The following SPATA19 variants were observed in gnomAD, a reference collection of about 807,000 sequenced individuals.
SPATA19 encodes spermatogenesis-associated protein 19, mitochondrial.
A neutral mutation model predicts 25.0 loss-of-function variants in SPATA19; 19 were observed. The ratio of observed to expected loss-of-function variants is 0.76; its 90% CI spans 0.53 to 1.11. SPATA19 has a LOEUF of 1.11. Ranked by LOEUF, SPATA19 falls within the 50% of genes most tolerant of loss-of-function variation. The pLI is 0.00. For synonymous variants in SPATA19, 64 were observed against 69.3 expected, an observed-to-expected ratio of 0.92 and a Z score of 0.38; for missense variants, 222 against 211.4, an observed-to-expected ratio of 1.05 and a Z score of -0.31.
chr11:133,842,442 C>A lies in SPATA19; in HGVS notation c.437+43G>T, dbSNP rs774758078. ...CCAGCAGTCACCCCCACCCTACCTG[C>A]CCCCAGTCAGGAACACAAATCAAGC... is the stretch of plus-strand genomic sequence containing the variant. On this transcript the variant is annotated intron_variant, in intron 5 of 6. Coordinates refer to ENST00000299140, the MANE Select transcript of SPATA19 (RefSeq NM_174927.3). 3 of 1,515,224 alleles carry A rather than the reference C, an allele frequency of 2.0e-6. No individual in the cohort carries two copies. The African/African-American group carries it at 4.1e-5, about 21-fold the overall frequency. The allele number at this position is 1,515,224 out of a possible 1,614,324, so 93.9% of individuals were successfully genotyped here. A position where few individuals can be genotyped will look rare whatever the true frequency, so the allele number is the denominator to read the frequency against.
At chr11:133,842,971 G>A (rs1335504212) in intron 4 of SPATA19, among the ~76,000 whole-genome samples, 1 of 152,162 alleles carries the variant, frequency 6.6e-6, no homozygotes, top group Non-Finnish European at 1.5e-5. Context: ...AGCCTACAGC[G>A]AGGAAGCTGT....
At chr11:133,841,694 C>A (rs1471336045) in intron 6 of SPATA19, among the ~76,000 whole-genome samples, 2 of 152,194 alleles carry the variant, frequency 1.3e-5, no homozygotes, top group Non-Finnish European at 2.9e-5. Flanking sequence ...AGTGACAATG[C>A]CCAGAAACTT....
Position 133,843,858 on chromosome 11 carries a change from G to A in SPATA19, c.359+388C>T, listed in dbSNP as rs150334943. Among the ~76,000 whole-genome samples the A allele has an allele frequency of 5.9e-3, 893 of 152,322 alleles. 4 individuals carry two copies. Among genetic ancestry groups the A allele is most frequent in the Non-Finnish European group, 9.2e-3 (625 of 68,024 alleles). Reference sequence around the variant, plus strand: ...TAACCGAGTGCAGAATTCTAGCCTCGGGCGCTGGGAAGCCTCCCCACACCT... The same window carrying A: ...TAACCGAGTGCAGAATTCTAGCCTCAGGCGCTGGGAAGCCTCCCCACACCT... On this transcript the variant is annotated intron_variant, in intron 4 of 6. Coordinates refer to ENST00000299140, the MANE Select transcript of SPATA19 (RefSeq NM_174927.3).
chr11:133,844,419 AC>A, intron 3 of SPATA19, 82 bp from the exon 4 acceptor site: 1 of 1,611,370 alleles, frequency 6.2e-7, no homozygotes, highest in East Asian at 2.2e-5. Context: ...CGAGCACCTC[AC>A]CCTTGCCCAG....
intron 4 of SPATA19, 59 bp from the exon 5 acceptor site, chr11:133,842,621 T>C (rs1316921888): frequency 1.5e-5 from 19 of 1,303,608 alleles, no homozygotes; most frequent in Non-Finnish European, 2.1e-5. Context: ...TTAACAGGCA[T>C]AGAGAGCTGC....
downstream of SPATA19, among the ~76,000 whole-genome samples, chr11:133,839,020 G>C (rs550684146): frequency 1.3e-5 from 2 of 152,204 alleles, no homozygotes; most frequent in African/African-American, 4.8e-5. Flanking sequence ...TCATTAAAAA[G>C]TCAGGAAACA....
At chr11:133,841,274 CT>C (rs757279945) in intron 6 of SPATA19, among the ~76,000 whole-genome samples, 5 of 152,238 alleles carry the variant, frequency 3.3e-5, no homozygotes, top group Non-Finnish European at 7.3e-5. Flanking sequence ...AACGCCCTCT[CT>C]TAAGGTTGTT....
chr11:133,844,240 C>G lies in SPATA19; in HGVS notation c.359+6G>C, dbSNP rs1206586150. On this transcript the variant is annotated splice_donor_region_variant and intron_variant, in intron 4 of 6. Transcript: ENST00000299140. ...TCCTTCGCCCAGGGCAAGTGGGACA[C>G]CTTACCTCCATCTTATGAACTGGAT... 6.2e-7 allele frequency: 1 copy of G among 1,613,802 alleles called. No individual in the cohort carries two copies. The highest frequency in any genetic ancestry group is 1.7e-5 in the Admixed American group (1 of 60,022).
rs1591685015 is a variant in SPATA19 at position 133,842,510 on chromosome 11, C to T, written c.412G>A (p.Asp138Asn). Reference protein sequence around the residue: ...PSEMTEDIMRDRIEQVRRSIS... With the variant: ...PSEMTEDIMRNRIEQVRRSIS... ...CTTCGTCTCACCTGCTCTATTCGAT[C>T]TCGCATGATGTCCTCTGTCATCTCA... is the stretch of plus-strand genomic sequence containing the variant. Residue 138 changes from aspartate to asparagine, a missense_variant, in exon 5 of 7, where the codon GAT becomes AAT. Asp to Asn is a conservative substitution (Grantham distance 23, BLOSUM62 1). Transcript: ENST00000299140. 6.2e-7 allele frequency: 1 copy of T among 1,614,092 alleles called. No individual in the cohort carries two copies. The highest frequency in any genetic ancestry group is 2.2e-5 in the East Asian group (1 of 44,888).
chr11:133,844,753 T>G, intron 2 of SPATA19, 113 bp from the exon 3 acceptor site: 1 of 1,245,114 alleles, frequency 8.0e-7, no homozygotes, highest in Non-Finnish European at 1.1e-6. Context: ...CACCACATAT[T>G]CACACACATA....
At chr11:133,844,962 AG>A (rs956191799) in intron 2 of SPATA19, among the ~76,000 whole-genome samples, 171 bp downstream of exon 2, 2 of 152,190 alleles carry the variant, frequency 1.3e-5, no homozygotes, top group Non-Finnish European at 2.9e-5. Flanking sequence ...CCAGGACACA[AG>A]CCACAGTGTC....
chr11:133,844,202 C>T lies in SPATA19; in HGVS notation c.359+44G>A. On this transcript the variant is annotated intron_variant, in intron 4 of 6. Coordinates refer to ENST00000299140, the MANE Select transcript of SPATA19 (RefSeq NM_174927.3). ...TTCGTGAAGAGAGGGGCTTGCGCAT[C>T]TCTCCCTCCCCTTCCTTCGCCCAGG... 2.6e-6 allele frequency: 4 copies of T among 1,522,920 alleles called. No individual in the cohort carries two copies. The South Asian group carries it at 4.5e-5, about 17-fold the overall frequency. The allele number at this position is 1,522,920 out of a possible 1,614,324, so 94.3% of individuals were successfully genotyped here. A position where few individuals can be genotyped will look rare whatever the true frequency, so the allele number is the denominator to read the frequency against.
In SPATA19 at chr11:133,845,406, T is replaced by C. The variant is rs1938399574; in HGVS notation, c.41A>G (p.Lys14Arg). 6.2e-7 allele frequency: 1 copy of C among 1,614,142 alleles called. No homozygotes were observed. Among genetic ancestry groups the C allele is most frequent in the Admixed American group, 1.7e-5 (1 of 60,020 alleles). The change falls in exon 1 of 7, where the codon AAA becomes AGA. Residue 14 changes from lysine (K) to arginine (R), a missense_variant. Physicochemically the swap from Lys to Arg is conservative, Grantham distance 26. Coordinates refer to ENST00000299140, the MANE Select transcript of SPATA19 (RefSeq NM_174927.3). ...TGGTAGGAAGGGAAGCCCTACACCT[T>C]TCCGAGCAAGAATATACACAATCCA... ...TTWIVYILARKGVGLPFLPIT... is the reference protein window; with the variant it reads ...TTWIVYILARRGVGLPFLPIT...
At chr11:133,844,708 C>G in intron 2 of SPATA19, 68 bp from the exon 3 acceptor site, 3 of 1,513,574 alleles carry the variant, frequency 2.0e-6, no homozygotes. Context: ...TTCTCCTCTT[C>G]CTTTCCTTTT....
intron 5 of SPATA19, 74 bp downstream of exon 5, chr11:133,842,411 G>C: frequency 8.4e-7 from 1 of 1,183,606 alleles, no homozygotes; most frequent in Non-Finnish European, 1.3e-6. Flanking sequence ...GGTGTGGGCG[G>C]GAAACCCAGC....
chr11:133,837,663 G>T (rs1324233061), downstream of SPATA19, among the ~76,000 whole-genome samples: 1 of 152,110 alleles, frequency 6.6e-6, no homozygotes, highest in Non-Finnish European at 1.5e-5. Flanking sequence ...CTTTCCTAAG[G>T]TCAATGAGGG....
At chr11:133,836,493 G>A (rs796708797), downstream of SPATA19, among the ~76,000 whole-genome samples, 17 of 152,310 alleles carry the variant, frequency 1.1e-4, no homozygotes, top group African/African-American at 3.1e-4. Flanking sequence ...CTGCTGGAGA[G>A]GGCAGGGGTT....
downstream of SPATA19, among the ~76,000 whole-genome samples, chr11:133,839,197 T>C (rs1267422190): frequency 1.3e-5 from 2 of 152,152 alleles, no homozygotes; most frequent in African/African-American, 4.8e-5. Context: ...ACCCAAAGGA[T>C]TATAAATCAT....
rs756483203 is a variant in SPATA19, at chr11:133,844,537, C to T, written c.239G>A (p.Gly80Asp). 1.9e-6 allele frequency: 3 copies of T among 1,614,168 alleles called. No individual in the cohort carries two copies. The Admixed American group carries it at 5.0e-5, about 27-fold the overall frequency. ...KMSTDSPPTH[G>D]QDIHVTRDVV... ...ATCTCTGGTCACGTGGATGTCCTGG[C>T]CATGGGTGGGAGGGGAGTCAGTGGA... is the stretch of plus-strand genomic sequence containing the variant. The change falls in exon 3 of 7, where the codon GGC becomes GAC. Residue 80 changes from glycine (G) to aspartate (D), a missense_variant. Transcript: ENST00000299140.
Sources: gnomAD v4.1 joint callset for allele counts (sites outside exome capture counted in the v4.1 genomes callset) on GRCh38, gnomAD v4.1.1 for gene constraint, MANE v1.5 for transcripts, NCBI Gene and HGNC (gene_info 2026-07-23, HGNC 2026-07-21) for gene names.